LMO3: variants seen among roughly 807,000 people sequenced by gnomAD.
The protein encoded by LMO3 is LIM domain only 3.
In LMO3, 2 loss-of-function variants were observed where a neutral mutation model predicts 15.8. The observed-to-expected ratio is 0.13, with a 90% confidence interval of 0.05 to 0.40. The LOEUF (loss-of-function observed/expected upper bound fraction) is 0.40, where lower values mean the gene tolerates loss of function less well. Among genes scored for constraint, LMO3 ranks in the 10% least tolerant of loss-of-function variants. LMO3 has a pLI of 0.99. For synonymous variants in LMO3, 62 were observed against 63.8 expected (o/e 0.97, Z 0.13); for missense variants, 86 against 182.2 (o/e 0.47, Z 3.04).
chr12:16,571,880 T>C (rs1013358849), intron 2 of LMO3, among the ~76,000 whole-genome samples: 3 of 152,042 alleles, frequency 2.0e-5, no homozygotes, highest in South Asian at 2.1e-4. Context: ...GGAAGGCATA[T>C]AACTTTTATT....
At position 16,585,018 on chromosome 12, in the gene LMO3, T is replaced by C. The variant is rs1943273990; in HGVS notation, c.206+15637A>G. Among the ~76,000 whole-genome samples the C allele has an allele frequency of 6.6e-6, 1 of 152,222 alleles. No individual in the cohort carries two copies. The highest frequency in any genetic ancestry group is 6.5e-5 in the Admixed American group (1 of 15,278). On this transcript the variant is annotated intron_variant, in intron 2 of 3. Coordinates refer to ENST00000537304, the MANE Select transcript of LMO3 (RefSeq NM_018640.5). The surrounding 1 kb of genome is among the most constrained non-coding windows in gnomAD (Gnocchi z 4.7). ...ACATTAGAGTTAGTTGCCAATGTCT[T>C]ATATACAAGAGATTTTACTGAAATA... is the stretch of plus-strand genomic sequence containing the variant.
At position 16,586,707 on chromosome 12, in the gene LMO3, T is replaced by C. The variant is rs1444911040; in HGVS notation, c.206+13948A>G. On this transcript the variant is annotated intron_variant, in intron 2 of 3. Transcript: ENST00000537304. The surrounding 1 kb of genome is among the most constrained non-coding windows in gnomAD (Gnocchi z 4.3). ...AAGATACACATCTTTTGACCCCCCATTGCAGTAGATGATGTTTTTTTCCAT... is the reference window on the plus strand; with the variant it reads ...AAGATACACATCTTTTGACCCCCCACTGCAGTAGATGATGTTTTTTTCCAT... Among the ~76,000 whole-genome samples, 2 of 152,166 alleles carry C rather than the reference T, an allele frequency of 1.3e-5. No individual in the cohort carries two copies. The highest frequency in any genetic ancestry group is 2.9e-5 in the Non-Finnish European group (2 of 68,024).
chr12:16,567,300 CTTT>C (rs1942652770), intron 2 of LMO3: 1 of 155,262 alleles, frequency 6.4e-6, no homozygotes, highest in African/African-American at 2.4e-5. Flanking sequence ...TTCAATGAAC[CTTT>C]TTTAATGAAA....
intron 3 of LMO3, among the ~76,000 whole-genome samples, chr12:16,558,403 G>A (rs1463955964): frequency 6.6e-6 from 1 of 151,950 alleles, no homozygotes; most frequent in Non-Finnish European, 1.5e-5. Flanking sequence ...ATGGTTACTG[G>A]CTGCTATTAG....
rs533539760 is a variant in LMO3, at chr12:16,575,053, CGTTT to C, written c.207-14519_207-14516del. 5.8e-3 allele frequency among the ~76,000 whole-genome samples: 878 copies of C among 152,168 alleles called. 8 individuals carry two copies. Among genetic ancestry groups the C allele is most frequent in the African/African-American group, 0.02 (849 of 41,516 alleles). ...AAACACACAAAAGAAAAGGTGTTTT[CGTTT>C]GTTTATTTTTACCTAGAAAAACATA... On this transcript the variant is annotated intron_variant, in intron 2 of 3. Transcript: ENST00000537304.
In LMO3 at chr12:16,551,232, T is replaced by G; in HGVS notation, c.428A>C (p.Gln143Pro). The G allele has an allele frequency of 6.2e-7, 1 of 1,600,956 alleles. No homozygotes were observed. The highest frequency in any genetic ancestry group is 8.6e-7 in the Non-Finnish European group (1 of 1,168,064). ...GGTGATGTTGATAGATCAGCGAACC[T>G]GGGGTGCATAACCTTCTTTCATTAA... ...EGLMKEGYAP[Q>P]VR The change falls in exon 4 of 4, where the codon CAG (glutamine) becomes CCG (proline). Residue 143 changes from glutamine (Q) to proline (P), a missense_variant. By Grantham distance (76) the Gln-to-Pro change is moderately conservative. Around this residue, in one of 3 missense-constraint regions of LMO3, gnomAD observed 19 missense variants for 20.0 expected, o/e 0.95. Transcript: ENST00000537304.
intron 2 of LMO3, among the ~76,000 whole-genome samples, chr12:16,572,311 C>CTATG (rs1942839963): frequency 7.6e-6 from 1 of 132,022 alleles, no homozygotes; most frequent in African/African-American, 2.8e-5. Flanking sequence ...TAAACATTCT[C>CTATG]TATGTTTTCT....
intron 2 of LMO3, among the ~76,000 whole-genome samples, chr12:16,579,776 G>A (rs144653378): frequency 3.3e-5 from 5 of 152,160 alleles, no homozygotes; most frequent in Non-Finnish European, 5.9e-5. Context: ...TTCAGTGGCC[G>A]AGTGAATGCG....
At chr12:16,561,870 G>A (rs1009153768) in intron 2 of LMO3, among the ~76,000 whole-genome samples, 1 of 152,124 alleles carries the variant, frequency 6.6e-6, no homozygotes, top group African/African-American at 2.4e-5. Flanking sequence ...AACAATAAAT[G>A]CATTTTAAAG....
intron 1 of LMO3, chr12:16,605,833 CA>C (rs1377347438): frequency 7.2e-6 from 11 of 1,534,958 alleles, no homozygotes; most frequent in Non-Finnish European, 9.6e-6. Flanking sequence ...GCATCTATTT[CA>C]TGTCTCATCA....
At position 16,586,400 on chromosome 12, in the gene LMO3, T is replaced by A. The variant is rs544495094; in HGVS notation, c.206+14255A>T. Among the ~76,000 whole-genome samples, 1 of 152,270 alleles carries A rather than the reference T, an allele frequency of 6.6e-6. No homozygotes were observed. The highest frequency in any genetic ancestry group is 2.1e-4 in the South Asian group (1 of 4,832). On this transcript the variant is annotated intron_variant, in intron 2 of 3. Coordinates refer to ENST00000537304, the MANE Select transcript of LMO3 (RefSeq NM_018640.5). This position sits in a 1 kb window ranked among gnomAD's most constrained non-coding sequence, Gnocchi z 4.3. ...TGGCAAGGAGAGCGGAGGATCCTAA[T>A]CTTCCCCAGCAAGGCTTTCTGGTTC...
chr12:16,605,536 A>G, intron 1 of LMO3: 1 of 494,420 alleles, frequency 2.0e-6, no homozygotes, highest in Non-Finnish European at 3.3e-6. Context: ...AGAAGCGTCA[A>G]CAAGGACCAA....
At chr12:16,581,530 T>C (rs1245703300) in intron 2 of LMO3, among the ~76,000 whole-genome samples, 1 of 152,240 alleles carries the variant, frequency 6.6e-6, no homozygotes, top group Non-Finnish European at 1.5e-5. Flanking sequence ...CCTCAGTTCC[T>C]ATAACACTAC....
At chr12:16,565,580 A>T (rs1221956672) in intron 2 of LMO3, among the ~76,000 whole-genome samples, 1 of 152,224 alleles carries the variant, frequency 6.6e-6, no homozygotes, top group African/African-American at 2.4e-5. Context: ...TGAACATTTT[A>T]GAATGTACAT....
intron 2 of LMO3, among the ~76,000 whole-genome samples, chr12:16,581,543 A>C (rs1449343879): frequency 6.6e-6 from 1 of 152,198 alleles, no homozygotes; most frequent in African/African-American, 2.4e-5. Flanking sequence ...AACACTACCC[A>C]TTATAGAGTA....
chr12:16,583,854 C>G (rs1184398754), intron 2 of LMO3, among the ~76,000 whole-genome samples: 2 of 151,950 alleles, frequency 1.3e-5, no homozygotes, highest in African/African-American at 4.8e-5. Flanking sequence ...TCATAGTGGG[C>G]AGGAAAGATA....
chr12:16,565,400 A>G (rs1177898954), intron 2 of LMO3, among the ~76,000 whole-genome samples: 2 of 152,194 alleles, frequency 1.3e-5, no homozygotes, highest in Non-Finnish European at 2.9e-5. Context: ...TAGAAAATGA[A>G]AACACTTTAA....
At position 16,560,322 on chromosome 12, in the gene LMO3, T is replaced by C. The variant is rs1942354300; in HGVS notation, c.332+91A>G. The C allele has an allele frequency of 1.4e-6, 2 of 1,381,628 alleles. No individual in the cohort carries two copies. The highest frequency in any genetic ancestry group is 1.5e-5 in the African/African-American group (1 of 68,912). 85.6% of individuals were successfully genotyped at this position (1,381,628 alleles called of 1,614,324 possible). A position where few individuals can be genotyped will look rare whatever the true frequency, so the allele number is the denominator to read the frequency against. On this transcript the variant is annotated intron_variant, in intron 3 of 3. Transcript: ENST00000537304. The surrounding 1 kb of genome is among the most constrained non-coding windows in gnomAD (Gnocchi z 5.0). The stretch of plus-strand genomic sequence containing the variant: ...AGAAAAACGCTGAGATTGATTGCTT[T>C]AAATGTATGAATATAATTTCCACCT...
In LMO3 at chr12:16,598,816, T is replaced by C. The variant is rs1251252098; in HGVS notation, c.206+1839A>G. The C allele has an allele frequency of 2.1e-5, 4 of 186,210 alleles. No homozygotes were observed. Among genetic ancestry groups the C allele is most frequent in the Non-Finnish European group, 3.5e-5 (3 of 85,712 alleles). The allele number at this position is 186,210 out of a possible 1,614,324, so 11.5% of individuals were successfully genotyped here. ...CAATATAGGTATTTCCTTGGCAAATTTTTATTTTTGTTTTCAAAAACCCCA... is the reference window on the plus strand; with the variant it reads ...CAATATAGGTATTTCCTTGGCAAATCTTTATTTTTGTTTTCAAAAACCCCA... On this transcript the variant is annotated intron_variant, in intron 2 of 3. Coordinates refer to ENST00000537304, the MANE Select transcript of LMO3 (RefSeq NM_018640.5). This position sits in a 1 kb window ranked among gnomAD's most constrained non-coding sequence, Gnocchi z 4.3.
Sources: gnomAD v4.1 joint callset for allele counts (sites outside exome capture counted in the v4.1 genomes callset) on GRCh38, gnomAD v4.1.1 for gene constraint, gnomAD v4.1.1 regional missense constraint, Gnocchi (gnomAD v3.1) non-coding constraint, MANE v1.5 for transcripts, NCBI Gene and HGNC (gene_info 2026-07-23, HGNC 2026-07-21) for gene names.